The following ASTN1 variants were observed in gnomAD, a reference collection of about 807,000 sequenced individuals.
ASTN1 encodes the protein astrotactin-1.
A neutral mutation model predicts 140.7 loss-of-function variants in ASTN1; 41 were observed. The observed-to-expected ratio is 0.29, with a 90% CI of 0.23 to 0.38. ASTN1 has a LOEUF of 0.38. Among genes scored for constraint, ASTN1 ranks in the 10% least tolerant of loss-of-function variants. The probability of loss-of-function intolerance (pLI) is 1.00; values close to 1 mark genes in which losing one functional copy is unlikely to be tolerated. For synonymous variants in ASTN1, 640 were observed against 652.2 expected, an observed-to-expected ratio of 0.98 and a Z score of 0.29; for missense variants, 1,479 against 1,678.8, an observed-to-expected ratio of 0.88 and a Z score of 2.08.
intron 1 of ASTN1, among the ~76,000 whole-genome samples, chr1:177,126,725 T>G (rs1490183755): frequency 6.6e-6 from 1 of 152,248 alleles, no homozygotes; most frequent in Non-Finnish European, 1.5e-5. Flanking sequence ...CGTGTCATCA[T>G]GCATCACTTC....
chr1:177,025,454 T>G (rs1333972367), intron 5 of ASTN1, among the ~76,000 whole-genome samples: 2 of 152,164 alleles, frequency 1.3e-5, no homozygotes, highest in Middle Eastern at 6.8e-3. Context: ...GTTATTTTTT[T>G]TTAATTTTTT....
downstream of ASTN1, chr1:176,857,623 C>T (rs774079529): frequency 1.3e-5 from 8 of 623,244 alleles, no homozygotes; most frequent in South Asian, 1.2e-4. Flanking sequence ...ATCTACAACT[C>T]CTCTGACTGT....
downstream of ASTN1, among the ~76,000 whole-genome samples, chr1:176,858,715 G>C (rs1408364608): frequency 6.6e-6 from 1 of 152,196 alleles, no homozygotes; most frequent in Non-Finnish European, 1.5e-5. Context: ...TGTGCCCTAA[G>C]TTGATTTCCT....
At chr1:177,154,458 A>G (rs1373549807) in intron 1 of ASTN1, among the ~76,000 whole-genome samples, 1 of 152,226 alleles carries the variant, frequency 6.6e-6, no homozygotes, top group African/African-American at 2.4e-5. Context: ...AAAGTACCAT[A>G]CTGGATAAGG....
rs1320540165 is a variant in ASTN1 at position 177,029,683 on chromosome 1, G to A, written c.1071C>T (p.Pro357=). The part of the protein sequence containing the change: ...GDSGTEAEND[P]QLTFYTDPSR... ...AAGGATCCGTGTAAAAGGTCAGCTG[G>A]GGGTCGTTTTCTGCCTCTGTGCCAG... The change falls in exon 5 of 23, where the codon CCC becomes CCT. Residue 357 remains proline (P), a synonymous_variant. Coordinates refer to ENST00000361833, the MANE Select transcript of ASTN1 (RefSeq NM_004319.3). The A allele has an allele frequency of 5.6e-6, 9 of 1,613,808 alleles. No homozygotes were observed. The highest frequency in any genetic ancestry group is 2.2e-5 in the South Asian group (2 of 90,920).
chr1:177,053,042 T>C (rs1677617402), intron 2 of ASTN1, among the ~76,000 whole-genome samples: 1 of 152,194 alleles, frequency 6.6e-6, no homozygotes, highest in South Asian at 2.1e-4. Flanking sequence ...AATTGATTGA[T>C]AGTATGTATG....
intron 1 of ASTN1, among the ~76,000 whole-genome samples, chr1:177,076,943 A>G (rs1678942924): frequency 2.6e-5 from 4 of 152,096 alleles, no homozygotes; most frequent in African/African-American, 4.8e-5. Flanking sequence ...AGGGCCGGAG[A>G]CTGGCTCTGC....
chr1:177,148,356 T>G (rs540224291), intron 1 of ASTN1, among the ~76,000 whole-genome samples: 2 of 149,914 alleles, frequency 1.3e-5, no homozygotes, highest in South Asian at 2.1e-4. Context: ...AGGTGGAGGT[T>G]GCAGTGAGCC....
chr1:176,879,515 C>T (rs187613875), intron 20 of ASTN1, among the ~76,000 whole-genome samples: 2 of 152,314 alleles, frequency 1.3e-5, no homozygotes, highest in Admixed American at 6.5e-5. Context: ...TAATGAGAAA[C>T]ATCCTACTTC....
chr1:177,123,638 G>A (rs227513), intron 1 of ASTN1, among the ~76,000 whole-genome samples: 43,636 of 152,024 alleles, frequency 0.29, 10,688 homozygotes, highest in African/African-American at 0.67. Flanking sequence ...CCTCAACCCA[G>A]TGGGCTACTG....
downstream of ASTN1, among the ~76,000 whole-genome samples, chr1:176,860,077 G>C (rs1667919780): frequency 1.3e-5 from 2 of 152,164 alleles, no homozygotes; most frequent in African/African-American, 4.8e-5. Context: ...TCAGCACAGT[G>C]GCCTTGAATT....
intron 7 of ASTN1, among the ~76,000 whole-genome samples, 186 bp downstream of exon 7, chr1:177,023,218 C>A (rs935207241): frequency 1.3e-5 from 2 of 152,130 alleles, no homozygotes; most frequent in African/African-American, 4.8e-5. Flanking sequence ...AAGTCTTCTG[C>A]CAGAAAATGA....
chr1:176,953,222 G>T (rs1672266147), intron 11 of ASTN1, among the ~76,000 whole-genome samples: 1 of 152,184 alleles, frequency 6.6e-6, no homozygotes, highest in African/African-American at 2.4e-5. Context: ...GACTCACTAA[G>T]ATGCATACTT....
intron 13 of ASTN1, among the ~76,000 whole-genome samples, chr1:176,944,662 G>A (rs1671877829): frequency 6.6e-6 from 1 of 152,200 alleles, no homozygotes; most frequent in African/African-American, 2.4e-5. Flanking sequence ...GATTGGTGGG[G>A]TGAGGGCTGC....
intron 1 of ASTN1, among the ~76,000 whole-genome samples, chr1:177,084,148 A>G (rs770395020): frequency 4.6e-5 from 7 of 152,160 alleles, no homozygotes; most frequent in African/African-American, 7.2e-5. Context: ...CCAGCTCCCT[A>G]CTAAGTAGGA....
chr1:177,067,529 G>T lies in ASTN1; in HGVS notation c.284-6264C>A, dbSNP rs73047045. On this transcript the variant is annotated intron_variant, in intron 1 of 22. Transcript: ENST00000361833. ...CAGAGTTTGAAAGATATTGATGGTAGGTCTAGTTTCCCACATGGTTTCAGA... is the reference window on the plus strand; with the variant it reads ...CAGAGTTTGAAAGATATTGATGGTATGTCTAGTTTCCCACATGGTTTCAGA... Among the ~76,000 whole-genome samples, 203 of 152,200 alleles carry T rather than the reference G, an allele frequency of 1.3e-3. 1 individual carries two copies. Among genetic ancestry groups the T allele is most frequent in the African/African-American group, 4.6e-3 (193 of 41,516 alleles).
At chr1:176,960,137 G>A (rs925309046) in intron 9 of ASTN1, among the ~76,000 whole-genome samples, 6 of 152,078 alleles carry the variant, frequency 3.9e-5, no homozygotes, top group Non-Finnish European at 7.4e-5. Context: ...CCTGGAATCC[G>A]GGACTTAAGG....
At chr1:176,876,743 AC>A in intron 20 of ASTN1, 106 bp from the exon 21 acceptor site, 1 of 1,065,734 alleles carries the variant, frequency 9.4e-7, no homozygotes, top group Non-Finnish European at 1.4e-6. Context: ...GTGGCTATGG[AC>A]CCAGATACTC....
At chr1:176,888,947 T>G (rs1669153030) in intron 17 of ASTN1, among the ~76,000 whole-genome samples, 1 of 152,200 alleles carries the variant, frequency 6.6e-6, no homozygotes, top group South Asian at 2.1e-4. Flanking sequence ...TAATAATATG[T>G]GCCAAATGAA....
Sources: allele counts gnomAD v4.1 joint callset (sites outside exome capture counted in the v4.1 genomes callset), GRCh38; gene constraint gnomAD v4.1.1; transcripts MANE v1.5; gene names NCBI Gene and HGNC (gene_info 2026-07-23, HGNC 2026-07-21).